Variants in SNX17 observed in about 807,000 individuals in gnomAD.
SNX17 encodes sorting nexin-17.
SNX17 carries 35 observed loss-of-function variants against 64.3 expected under a neutral mutation model. The ratio of observed to expected loss-of-function variants is 0.54; its 90% CI spans 0.42 to 0.72. SNX17 has a LOEUF of 0.72. SNX17 is among the 30% of genes least tolerant of loss of function. The pLI is 0.00. For synonymous variants in SNX17, 259 were observed against 230.2 expected, an observed-to-expected ratio of 1.13 and a Z score of -1.13; for missense variants, 538 against 610.0, an observed-to-expected ratio of 0.88 and a Z score of 1.24.
chr2:27,374,808 G>T, intron 8 of SNX17, 50 bp downstream of exon 8: 1 of 1,550,912 alleles, frequency 6.4e-7, no homozygotes, highest in South Asian at 1.1e-5. Context: ...AATAACGGGT[G>T]ACTCACTCTC....
intron 2 of SNX17, among the ~76,000 whole-genome samples, chr2:27,371,795 A>G (rs767612496): frequency 6.6e-6 from 1 of 152,182 alleles, no homozygotes; most frequent in African/African-American, 2.4e-5. Flanking sequence ...TCTGTGATGC[A>G]ATGTTTCTCC....
In SNX17 at chr2:27,377,498, G is replaced by A. The variant is rs1683375576; in HGVS notation, c.*779G>A. 1 of 1,602,058 alleles carries A rather than the reference G, an allele frequency of 6.2e-7. No individual in the cohort carries two copies. Among genetic ancestry groups the A allele is most frequent in the South Asian group, 1.1e-5 (1 of 90,878 alleles). On this transcript the variant is annotated 3_prime_UTR_variant, in exon 15 of 15. Coordinates refer to ENST00000233575, the MANE Select transcript of SNX17 (RefSeq NM_014748.4). This position sits in a 1 kb window ranked among gnomAD's most constrained non-coding sequence, Gnocchi z 4.4. ...CCCCTGGCCAGCGGGGGAGAAAAAG[G>A]TGGCTTCTGGTCCGTCTGTATAAAA...
In SNX17 at chr2:27,376,501, A is replaced by C; in HGVS notation, c.1280A>C (p.Glu427Ala). The change falls in exon 14 of 15, where the codon GAG becomes GCG. Residue 427 changes from glutamate to alanine, a missense_variant. Coordinates refer to ENST00000233575, the MANE Select transcript of SNX17 (RefSeq NM_014748.4). ...CAGGAGTCACCTGATGCCACCCGGG[A>C]GTCTATGGTCAAACTCTCAGTGAGT... ...PLLESPDATR[E>A]SMVKLSSKLS... The C allele has an allele frequency of 6.2e-7, 1 of 1,613,894 alleles. No individual in the cohort carries two copies. The highest frequency in any genetic ancestry group is 2.2e-5 in the East Asian group (1 of 44,864).
intron 7 of SNX17, 54 bp from the exon 8 acceptor site, chr2:27,374,635 C>CT: frequency 6.4e-7 from 1 of 1,557,442 alleles, no homozygotes; most frequent in Non-Finnish European, 8.9e-7. Flanking sequence ...CATTCTACCT[C>CT]TTGCCTTAAC....
intron 2 of SNX17, 146 bp downstream of exon 2, chr2:27,371,489 G>T: frequency 7.2e-7 from 1 of 1,391,588 alleles, no homozygotes. Flanking sequence ...GGTTTATCTT[G>T]TCTGACATTT....
rs1320133932 is a variant in SNX17 at position 27,375,393 on chromosome 2, CTCCTAAAG to C, written c.775-111_775-104del. 1.1e-5 allele frequency: 12 copies of C among 1,114,916 alleles called. No homozygotes were observed. The highest frequency in any genetic ancestry group is 1.6e-5 in the Non-Finnish European group (12 of 757,264). The allele number at this position is 1,114,916 out of a possible 1,614,324, so 69.1% of individuals were successfully genotyped here. ...GACCTTGTGATCTGTCTGCCTCTGC[CTCCTAAAG>C]TGCTGGGATTATAGGCATGAGCCAC... On this transcript the variant is annotated intron_variant, in intron 9 of 14. Coordinates refer to ENST00000233575, the MANE Select transcript of SNX17 (RefSeq NM_014748.4). This position sits in a 1 kb window ranked among gnomAD's most constrained non-coding sequence, Gnocchi z 4.1.
rs111297930 is a variant in SNX17 at position 27,374,402 on chromosome 2, A to T, written c.580A>T (p.Ser194Cys). The T allele has an allele frequency of 1.0e-3, 1,691 of 1,613,126 alleles. 12 individuals carry two copies. The African/African-American group carries it at 0.02, about 19-fold the overall frequency. Reference protein sequence around the residue: ...LPYVSVTSLRSQEYKIVLRKS... With the variant: ...LPYVSVTSLRCQEYKIVLRKS... ...TTATGTGTCTGTCACCAGCCTTCGG[A>T]GTCAAGAGTATAAGATTGTGCTAAG... The change falls in exon 7 of 15, where the codon AGT (serine) becomes TGT (cysteine). Residue 194 changes from serine (S) to cysteine (C), a missense_variant. Physicochemically the swap from Ser to Cys is moderately radical, Grantham distance 112. Transcript: ENST00000233575.
Position 27,372,724 on chromosome 2 carries a change from G to C in SNX17, c.240G>C (p.Glu80Asp), listed in dbSNP as rs758748063. 1 of 1,614,206 alleles carries C rather than the reference G, an allele frequency of 6.2e-7. No homozygotes were observed. The highest frequency in any genetic ancestry group is 1.3e-5 in the African/African-American group (1 of 75,068). ...AEVEQRREQL[E>D]KYMQAVRQDP... The stretch of plus-strand genomic sequence containing the variant: ...TAGAACAGAGGAGAGAGCAGTTAGA[G>C]AAGTACATGCAAGCTGGTGAGTGGT... Residue 80 changes from glutamate to aspartate, a missense_variant, in exon 3 of 15, where the codon GAG becomes GAC. Around this residue, in one of 3 missense-constraint regions of SNX17, gnomAD observed 505 missense variants for 550.4 expected, o/e 0.92. Transcript: ENST00000233575.
At position 27,375,992 on chromosome 2, in the gene SNX17, C is replaced by A. The variant is rs1230273631; in HGVS notation, c.1104+21C>A. The A allele has an allele frequency of 6.2e-7, 1 of 1,613,928 alleles. No homozygotes were observed. The highest frequency in any genetic ancestry group is 1.7e-5 in the Admixed American group (1 of 59,964). On this transcript the variant is annotated intron_variant, in intron 11 of 14. Coordinates refer to ENST00000233575, the MANE Select transcript of SNX17 (RefSeq NM_014748.4). This position sits in a 1 kb window ranked among gnomAD's most constrained non-coding sequence, Gnocchi z 4.1. ...CCCAGGTGTGAACCTACCCTCAGCC[C>A]TCCTCTGGAGCACCTTAAAGTGTAG...
chr2:27,375,385 G>T lies in SNX17; in HGVS notation c.775-121G>T. ...GAGCTCCTGACCTTGTGATCTGTCT[G>T]CCTCTGCCTCCTAAAGTGCTGGGAT... On this transcript the variant is annotated intron_variant, in intron 9 of 14. Coordinates refer to ENST00000233575, the MANE Select transcript of SNX17 (RefSeq NM_014748.4). This position sits in a 1 kb window ranked among gnomAD's most constrained non-coding sequence, Gnocchi z 4.1. 1 of 1,037,094 alleles carries T rather than the reference G, an allele frequency of 9.6e-7. No homozygotes were observed. The highest frequency in any genetic ancestry group is 2.5e-5 in the East Asian group (1 of 39,980). 64.2% of individuals were successfully genotyped at this position (1,037,094 alleles called of 1,614,324 possible).
rs780179100 is a variant in SNX17 at position 27,373,978 on chromosome 2, C to A, written c.432+7C>A. 1.9e-6 allele frequency: 3 copies of A among 1,613,002 alleles called. No homozygotes were observed. The East Asian group carries it at 6.7e-5, about 36-fold the overall frequency. ...GACTGAGGATGTCCTGGAGGTGAGG[C>A]GCTTGTTCAGCACTGCCCCTTCTTC... On this transcript the variant is annotated splice_region_variant and intron_variant, in intron 5 of 14. Transcript: ENST00000233575.
chr2:27,375,530 C>A lies in SNX17; in HGVS notation c.799C>A (p.Arg267=). Reference sequence around the variant, plus strand: ...GTTCCTGAGACTGGCCCAGACGCTGCGGCACTATGGCTACTTGCGCTTTGA... The same window carrying A: ...GTTCCTGAGACTGGCCCAGACGCTGAGGCACTATGGCTACTTGCGCTTTGA... ...KEFLRLAQTL[R]HYGYLRFDAC... is the part of the protein sequence containing the mutation. The change falls in exon 10 of 15, where the codon CGG becomes AGG. Residue 267 remains arginine (R), a synonymous_variant. Transcript: ENST00000233575. This position sits in a 1 kb window ranked among gnomAD's most constrained non-coding sequence, Gnocchi z 4.1. 6.2e-7 allele frequency: 1 copy of A among 1,614,104 alleles called. No homozygotes were observed. The highest frequency in any genetic ancestry group is 8.5e-7 in the Non-Finnish European group (1 of 1,180,044).
intron 12 of SNX17, 35 bp downstream of exon 12, chr2:27,376,218 TGTGCTC>T (rs776802323): frequency 1.7e-5 from 27 of 1,612,950 alleles, no homozygotes; most frequent in Non-Finnish European, 2.2e-5. Flanking sequence ...AGTGAGCAGG[TGTGCTC>T]CCCTTGCCTT....
At chr2:27,372,081 ACTAT>A (rs1394188626) in intron 2 of SNX17, among the ~76,000 whole-genome samples, 10 of 152,068 alleles carry the variant, frequency 6.6e-5, no homozygotes, top group African/African-American at 2.2e-4. Flanking sequence ...GAGGGGTTTC[ACTAT>A]GTTGGCCAGG....
At position 27,375,283 on chromosome 2, in the gene SNX17, C is replaced by T; in HGVS notation, c.774+130C>T. The T allele has an allele frequency of 3.3e-6, 3 of 916,588 alleles. No homozygotes were observed. Among genetic ancestry groups the T allele is most frequent in the Non-Finnish European group, 4.9e-6 (3 of 606,578 alleles). The allele number at this position is 916,588 out of a possible 1,614,324, so 56.8% of individuals were successfully genotyped here. The stretch of plus-strand genomic sequence containing the variant: ...CCTCCCGAGTAGCTGGGACTACAGG[C>T]ACCCGCCACGACGCCCGGCTAATTT... On this transcript the variant is annotated intron_variant, in intron 9 of 14. Transcript: ENST00000233575. This position sits in a 1 kb window ranked among gnomAD's most constrained non-coding sequence, Gnocchi z 4.1.
intron 14 of SNX17, 26 bp downstream of exon 14, chr2:27,376,546 C>G: frequency 6.2e-7 from 1 of 1,614,168 alleles, no homozygotes; most frequent in Non-Finnish European, 8.5e-7. Context: ...GGTGAGGTTG[C>G]TGTTTGTTGG....
Position 27,375,084 on chromosome 2 carries a change from G to A in SNX17, c.705G>A (p.Gly235=). 6.2e-7 allele frequency: 1 copy of A among 1,614,132 alleles called. No homozygotes were observed. The change falls in exon 9 of 15, where the codon GGG becomes GGA. Residue 235 remains glycine (G), a synonymous_variant. Transcript: ENST00000233575. This position sits in a 1 kb window ranked among gnomAD's most constrained non-coding sequence, Gnocchi z 4.1. ...YAQTVSDIER[G]WILVTKEQHR... ...AGACGGTATCAGATATTGAGCGTGG[G>A]TGGATCTTGGTCACCAAGGAACAGC...
chr2:27,375,396 C>A lies in SNX17; in HGVS notation c.775-110C>A. ...CTTGTGATCTGTCTGCCTCTGCCTC[C>A]TAAAGTGCTGGGATTATAGGCATGA... is the stretch of plus-strand genomic sequence containing the variant. On this transcript the variant is annotated intron_variant, in intron 9 of 14. Transcript: ENST00000233575. This position sits in a 1 kb window ranked among gnomAD's most constrained non-coding sequence, Gnocchi z 4.1. 1 of 1,169,148 alleles carries A rather than the reference C, an allele frequency of 8.6e-7. No homozygotes were observed. The highest frequency in any genetic ancestry group is 1.2e-6 in the Non-Finnish European group (1 of 804,630). The allele number at this position is 1,169,148 out of a possible 1,614,324, so 72.4% of individuals were successfully genotyped here. A position where few individuals can be genotyped will look rare whatever the true frequency, so the allele number is the denominator to read the frequency against.
At chr2:27,374,643 A>T (rs1682982555) in intron 7 of SNX17, 46 bp from the exon 8 acceptor site, 4 of 1,582,546 alleles carry the variant, frequency 2.5e-6, no homozygotes, top group Non-Finnish European at 3.5e-6. Flanking sequence ...CTCTTGCCTT[A>T]ACCCAGCTTA....
Sources: allele counts gnomAD v4.1 joint callset (sites outside exome capture counted in the v4.1 genomes callset), GRCh38; gene constraint gnomAD v4.1.1; regional missense constraint gnomAD v4.1.1; non-coding constraint Gnocchi (gnomAD v3.1); transcripts MANE v1.5; gene names NCBI Gene and HGNC (gene_info 2026-07-23, HGNC 2026-07-21).